Variants in CDH18 observed in about 807,000 individuals in gnomAD.
The protein encoded by CDH18 is cadherin 18.
A neutral mutation model predicts 67.9 loss-of-function variants in CDH18; 31 were observed. The ratio of observed to expected loss-of-function variants is 0.46; its 90% CI spans 0.34 to 0.62. The LOEUF is 0.62. Ranked by LOEUF, CDH18 falls within the 20% of genes least tolerant of loss-of-function variation. The pLI, the probability that CDH18 is intolerant of heterozygous loss-of-function variation, is 0.01. For synonymous variants in CDH18, 362 were observed against 347.2 expected (o/e 1.04, Z -0.48); for missense variants, 890 against 975.5 (o/e 0.91, Z 1.17).
chr5:20,388,915 G>A (rs1360972969), intron 1 of CDH18, among the ~76,000 whole-genome samples: 1 of 152,168 alleles, frequency 6.6e-6, no homozygotes, highest in Non-Finnish European at 1.5e-5. Context: ...TGGTCTGAGA[G>A]ACAGTTTGTT....
At chr5:20,146,751 CAT>C (rs1750679832) in intron 2 of CDH18, among the ~76,000 whole-genome samples, 1 of 151,764 alleles carries the variant, frequency 6.6e-6, no homozygotes. Flanking sequence ...TTGAGTTAAA[CAT>C]GTATTAACTG....
intron 1 of CDH18, among the ~76,000 whole-genome samples, chr5:20,290,807 G>A (rs567833035): frequency 9.7e-4 from 147 of 152,240 alleles, no homozygotes; most frequent in African/African-American, 3.4e-3. Context: ...GCAGAAGGTG[G>A]AAGTGTGGAC....
intron 6 of CDH18, among the ~76,000 whole-genome samples, chr5:19,600,616 T>C (rs73053670): frequency 6.6e-6 from 1 of 151,632 alleles, no homozygotes; most frequent in African/African-American, 2.4e-5. Context: ...AAAAAAGAAA[T>C]ATAGTTTTCA....
intron 3 of CDH18, among the ~76,000 whole-genome samples, chr5:19,774,227 G>A (rs1774032523): frequency 6.6e-6 from 1 of 151,838 alleles, no homozygotes; most frequent in Non-Finnish European, 1.5e-5. Context: ...AACTATTATG[G>A]ACTGAATATT....
At chr5:19,956,813 G>GA (rs1796300907) in intron 2 of CDH18, among the ~76,000 whole-genome samples, 2 of 151,676 alleles carry the variant, frequency 1.3e-5, no homozygotes, top group African/African-American at 4.8e-5. Flanking sequence ...CACTGTATTA[G>GA]AAAAATGTTA....
intron 1 of CDH18, among the ~76,000 whole-genome samples, chr5:20,315,062 G>A (rs928985764): frequency 2.6e-5 from 4 of 151,908 alleles, no homozygotes; most frequent in South Asian, 2.1e-4. Flanking sequence ...ATATCACTGC[G>A]CTTATATGCA....
intron 1 of CDH18, among the ~76,000 whole-genome samples, chr5:20,547,753 A>G (rs1757420825): frequency 6.6e-6 from 1 of 152,108 alleles, no homozygotes; most frequent in Non-Finnish European, 1.5e-5. Flanking sequence ...GATTCACTAA[A>G]CTTATTCCTA....
At chr5:19,716,343 A>G (rs1334069485) in intron 5 of CDH18, among the ~76,000 whole-genome samples, 1 of 152,148 alleles carries the variant, frequency 6.6e-6, no homozygotes, top group Non-Finnish European at 1.5e-5. Context: ...TTCTTTTGCA[A>G]TAAACCTTAC....
At chr5:19,607,393 A>G (rs1398916197) in intron 6 of CDH18, among the ~76,000 whole-genome samples, 2 of 151,452 alleles carry the variant, frequency 1.3e-5, no homozygotes, top group African/African-American at 2.4e-5. Flanking sequence ...GACATTAAAC[A>G]GTTTTAAAGT....
chr5:19,491,747 A>C lies in CDH18; in HGVS notation c.1631-8195T>G, dbSNP rs879640197. ...GTTTCCTTTTAAGTGTTTTGTTAAA[A>C]ATTATAAAGCAACTTATAAATGTTA... On this transcript the variant is annotated intron_variant, in intron 11 of 12. Transcript: ENST00000382275. Among the ~76,000 whole-genome samples, 342 of 152,312 alleles carry C rather than the reference A, an allele frequency of 2.2e-3. 1 individual carries two copies. Among genetic ancestry groups the C allele is most frequent in the Non-Finnish European group, 3.6e-3 (247 of 68,012 alleles).
intron 2 of CDH18, among the ~76,000 whole-genome samples, chr5:19,994,849 T>TAGAGAGAGAGAGAG (rs1186725188): frequency 3.7e-4 from 12 of 32,328 alleles, no homozygotes; most frequent in African/African-American, 1.4e-3. Flanking sequence ...TATATATATA[T>TAGAGAGAGAGAGAG]ATATATAGAG....
intron 5 of CDH18, among the ~76,000 whole-genome samples, chr5:19,670,790 T>A (rs1429557399): frequency 1.3e-5 from 2 of 152,066 alleles, no homozygotes; most frequent in Non-Finnish European, 2.9e-5. Flanking sequence ...TGACCATTAA[T>A]GTATTATTAA....
chr5:19,976,603 C>G (rs902665735), intron 2 of CDH18, among the ~76,000 whole-genome samples: 2 of 151,704 alleles, frequency 1.3e-5, no homozygotes, highest in Admixed American at 1.3e-4. Context: ...TAGATGGTCT[C>G]TGAAAAAAGA....
At position 20,165,060 on chromosome 5, in the gene CDH18, C is replaced by T. The variant is rs796174983; in HGVS notation, c.-518+90384G>A. Among the ~76,000 whole-genome samples the T allele has an allele frequency of 7.2e-5, 11 of 152,052 alleles. No homozygotes were observed. In the South Asian group the frequency reaches 2.1e-3, roughly 29 times the overall value. Reference sequence around the variant, plus strand: ...AATTTAAGGATTAAGTAGATTTTGACATACAATTTAAATCCATTTTAGATA... The same window carrying T: ...AATTTAAGGATTAAGTAGATTTTGATATACAATTTAAATCCATTTTAGATA... On this transcript the variant is annotated intron_variant, in intron 2 of 14. Transcript: ENST00000507958.
intron 1 of CDH18, among the ~76,000 whole-genome samples, chr5:20,318,540 C>A (rs182830320): frequency 6.7e-4 from 102 of 152,148 alleles, no homozygotes; most frequent in Admixed American, 9.8e-4. Context: ...GTATAGTGAG[C>A]AAGTTCTCAG....
intron 2 of CDH18, among the ~76,000 whole-genome samples, chr5:20,046,173 G>C (rs1252012354): frequency 6.6e-6 from 1 of 151,928 alleles, no homozygotes; most frequent in Non-Finnish European, 1.5e-5. Context: ...GAAAAGGTTA[G>C]ATTCTGGAAA....
chr5:19,830,461 T>C (rs2149990323), intron 3 of CDH18, among the ~76,000 whole-genome samples: 1 of 152,120 alleles, frequency 6.6e-6, no homozygotes, highest in African/African-American at 2.4e-5. Context: ...AATCGTTAGA[T>C]AAATGCAAAT....
At chr5:19,858,863 A>G (rs1235287385) in intron 2 of CDH18, among the ~76,000 whole-genome samples, 1 of 152,200 alleles carries the variant, frequency 6.6e-6, no homozygotes, top group African/African-American at 2.4e-5. Context: ...TACTTCAAAA[A>G]GTATACAATA....
At chr5:19,513,567 A>C (rs1273947511) in intron 10 of CDH18, among the ~76,000 whole-genome samples, 1 of 152,094 alleles carries the variant, frequency 6.6e-6, no homozygotes, top group Non-Finnish European at 1.5e-5. Context: ...ATGTCATTAA[A>C]TTCATCTCAT....
Sources: allele counts gnomAD v4.1 joint callset (sites outside exome capture counted in the v4.1 genomes callset), GRCh38; gene constraint gnomAD v4.1.1; transcripts MANE v1.5; gene names NCBI Gene and HGNC (gene_info 2026-07-23, HGNC 2026-07-21).